MRE11: variants seen among roughly 807,000 people sequenced by gnomAD.
The protein encoded by MRE11 is double-strand break repair protein MRE11.
In MRE11, 62 loss-of-function variants were observed where a neutral mutation model predicts 91.7. That is an observed-to-expected ratio of 0.68 (90% CI 0.55 to 0.84). MRE11 has a LOEUF of 0.84. Ranked by LOEUF, MRE11 falls within the 40% of genes least tolerant of loss-of-function variation. MRE11 has a pLI of 0.00. For synonymous variants in MRE11, 273 were observed against 271.4 expected (o/e 1.01, Z -0.06); for missense variants, 796 against 852.9 (o/e 0.93, Z 0.83).
Position 94,493,108 on chromosome 11 carries a change from C to CT in MRE11, c.-105-203dup, listed in dbSNP as rs577866269. On this transcript the variant is annotated intron_variant, in intron 1 of 19. Transcript: ENST00000323929. ...ATATCTCCAGTGTACATCCTGTTTC[C>CT]TAGTTTCACCAAGATGATTAAACTC... Among the ~76,000 whole-genome samples the CT allele has an allele frequency of 2.0e-3, 311 of 152,122 alleles. 2 individuals carry two copies. The highest frequency in any genetic ancestry group is 3.6e-3 in the Non-Finnish European group (248 of 67,996).
the MRE11 span, among the ~76,000 whole-genome samples, chr11:94,504,006 A>G: frequency 7.2e-5 from 11 of 152,192 alleles, no homozygotes; most frequent in Non-Finnish European, 1.2e-4. Flanking sequence ...TCTTAAACAA[A>G]TGGTGCTGGA....
upstream of MRE11, chr11:94,498,657 C>T (rs112974375): frequency 2.4e-3 from 1,925 of 811,182 alleles, 31 homozygotes; most frequent in African/African-American, 0.03. Flanking sequence ...TTATAACATT[C>T]TTCCAAGTGA....
chr11:94,463,972 G>A, intron 11 of MRE11, 141 bp downstream of exon 11: 1 of 916,570 alleles, frequency 1.1e-6, no homozygotes, highest in Non-Finnish European at 1.6e-6. Flanking sequence ...GAAGACAAGA[G>A]AATTATTCCC....
At chr11:94,479,797 G>T (rs2135092478) in intron 4 of MRE11, 36 bp from the exon 5 acceptor site, 1 of 1,546,132 alleles carries the variant, frequency 6.5e-7, no homozygotes. Flanking sequence ...TTTCCATACG[G>T]GACAAAAGCT....
In MRE11 at chr11:94,417,681, T is replaced by C. The variant is rs369336016; in HGVS notation, c.*2444A>G. 35 of 233,078 alleles carry C rather than the reference T, an allele frequency of 1.5e-4. No individual in the cohort carries two copies. In the South Asian group the frequency reaches 6.3e-3, roughly 42 times the overall value. 14.4% of individuals were successfully genotyped at this position (233,078 alleles called of 1,614,324 possible). ...GGCATCCAGGACACTGCGCTATTTCTTGACCTGTAGAGGGATTCCATCAGT... is the reference window on the plus strand; with the variant it reads ...GGCATCCAGGACACTGCGCTATTTCCTGACCTGTAGAGGGATTCCATCAGT... On this transcript the variant is annotated 3_prime_UTR_variant, in exon 20 of 20. Coordinates refer to ENST00000323929, the MANE Select transcript of MRE11 (RefSeq NM_005591.4).
At chr11:94,454,800 C>T (rs753116035) in intron 14 of MRE11, among the ~76,000 whole-genome samples, 2 of 151,916 alleles carry the variant, frequency 1.3e-5, no homozygotes, top group South Asian at 4.2e-4. Flanking sequence ...CTCACTCAAA[C>T]GTAAAGAAAT....
Position 94,471,727 on chromosome 11 carries a change from T to C in MRE11, c.692A>G (p.Glu231Gly), listed in dbSNP as rs1555013177. The C allele has an allele frequency of 5.0e-6, 8 of 1,612,394 alleles. No homozygotes were observed. Among genetic ancestry groups the C allele is most frequent in the Non-Finnish European group, 6.8e-6 (8 of 1,178,962 alleles). ...SKHGSTNFIP[E>G]QFLDDFIDLV... ...ATCAATGAAGTCATCCAAAAATTGT[T>C]CTGGAATGAAGTTAGTACTTCCATG... Residue 231 changes from glutamate (E) to glycine (G), a missense_variant, in exon 8 of 20, where the codon GAA becomes GGA. Transcript: ENST00000323929.
intron 14 of MRE11, among the ~76,000 whole-genome samples, chr11:94,451,569 T>C (rs1354952258): frequency 2.6e-5 from 4 of 151,736 alleles, no homozygotes; most frequent in South Asian, 2.1e-4. Flanking sequence ...TGAAAGCAAA[T>C]AGAGACTCCA....
chr11:94,462,582 A>C (rs904741924), intron 11 of MRE11, among the ~76,000 whole-genome samples: 1 of 152,182 alleles, frequency 6.6e-6, no homozygotes, highest in African/African-American at 2.4e-5. Flanking sequence ...AAAATAAGAG[A>C]TATAGACCAA....
intron 19 of MRE11, among the ~76,000 whole-genome samples, chr11:94,425,925 C>G (rs1353699931): frequency 6.6e-6 from 1 of 152,096 alleles, no homozygotes; most frequent in East Asian, 1.9e-4. Flanking sequence ...AAAGAACATC[C>G]AGGCAGAAAA....
intron 11 of MRE11, among the ~76,000 whole-genome samples, chr11:94,463,727 A>C (rs766205938): frequency 1.3e-4 from 19 of 149,992 alleles, no homozygotes; most frequent in Non-Finnish European, 2.4e-4. Context: ...TGGGAATTGA[A>C]CAATGAGAAC....
intron 11 of MRE11, among the ~76,000 whole-genome samples, chr11:94,463,723 T>C (rs536653954): frequency 1.3e-4 from 19 of 150,484 alleles, no homozygotes; most frequent in African/African-American, 3.7e-4. Flanking sequence ...TAGGTGGGAA[T>C]TGAACAATGA....
chr11:94,437,334 C>A, intron 16 of MRE11, 99 bp from the exon 17 acceptor site: 1 of 1,058,370 alleles, frequency 9.4e-7, no homozygotes, highest in Non-Finnish European at 1.4e-6. Context: ...GTCCTATCTG[C>A]AAAACTGAAT....
At chr11:94,439,254 T>A (rs1312653644) in intron 16 of MRE11, among the ~76,000 whole-genome samples, 1 of 152,154 alleles carries the variant, frequency 6.6e-6, no homozygotes, top group Admixed American at 6.6e-5. Context: ...GTATAGTTAC[T>A]ACTTCACAGG....
At chr11:94,485,352 A>C (rs756439610) in intron 4 of MRE11, among the ~76,000 whole-genome samples, 1 of 152,192 alleles carries the variant, frequency 6.6e-6, no homozygotes, top group Non-Finnish European at 1.5e-5. Flanking sequence ...AAGAAAAACC[A>C]ATAGATTTAA....
intron 2 of MRE11, 47 bp from the exon 3 acceptor site, chr11:94,491,012 A>G: frequency 1.8e-6 from 2 of 1,110,824 alleles, no homozygotes; most frequent in East Asian, 5.2e-5. Context: ...TAATTCATTA[A>G]AGGATATTCA....
intron 13 of MRE11, among the ~76,000 whole-genome samples, chr11:94,457,982 T>C (rs1946305475): frequency 6.6e-6 from 1 of 152,056 alleles, no homozygotes; most frequent in South Asian, 2.1e-4. Flanking sequence ...GTTTTATTTC[T>C]GGTATGTACC....
At chr11:94,511,190 T>G in the MRE11 span, among the ~76,000 whole-genome samples, 5 of 152,128 alleles carry the variant, frequency 3.3e-5, no homozygotes, top group African/African-American at 1.2e-4. Flanking sequence ...TCTCTATATA[T>G]ATAGATAGAT....
intron 4 of MRE11, among the ~76,000 whole-genome samples, chr11:94,484,979 AG>A (rs1270381123): frequency 2.6e-5 from 4 of 152,226 alleles, no homozygotes; most frequent in African/African-American, 9.7e-5. Flanking sequence ...TGGGAGGCCA[AG>A]GCAGGTGGAT....
Sources: allele counts gnomAD v4.1 joint callset (sites outside exome capture counted in the v4.1 genomes callset), GRCh38; gene constraint gnomAD v4.1.1; transcripts MANE v1.5; gene names NCBI Gene and HGNC (gene_info 2026-07-23, HGNC 2026-07-21).